CDH4: variants seen among roughly 807,000 people sequenced by gnomAD.
CDH4 encodes the protein cadherin-4.
CDH4 carries 33 observed loss-of-function variants against 86.0 expected under a neutral mutation model. The observed-to-expected ratio is 0.38, with a 90% CI of 0.29 to 0.51. The LOEUF is 0.51. Among genes scored for constraint, CDH4 ranks in the 20% least tolerant of loss-of-function variants. The pLI is 0.86. For missense variants in CDH4, 1,114 were observed against 1,307.4 expected (o/e 0.85, Z 2.28); for synonymous variants, 555 against 549.4 (o/e 1.01, Z -0.14).
At chr20:61,660,545 G>A (rs2087241620) in intron 2 of CDH4, among the ~76,000 whole-genome samples, 2 of 152,156 alleles carry the variant, frequency 1.3e-5, no homozygotes, top group South Asian at 2.1e-4. Context: ...GTTACATGTG[G>A]GTGCGCCTGA....
intron 2 of CDH4, among the ~76,000 whole-genome samples, chr20:61,508,038 T>TGCAGAGTGAGACCA (rs2085753922): frequency 6.6e-6 from 1 of 152,244 alleles, no homozygotes; most frequent in African/African-American, 2.4e-5. Context: ...CGCACTGTCG[T>TGCAGAGTGAGACCA]GCAGAGTGAG....
intron 2 of CDH4, among the ~76,000 whole-genome samples, chr20:61,481,277 C>T (rs116952611): frequency 0.036 from 5,438 of 152,274 alleles, 135 homozygotes; most frequent in South Asian, 0.071. Flanking sequence ...CGCTGGTGAA[C>T]GTCCTGCAAC....
chr20:61,725,098 T>G (rs563034995), intron 2 of CDH4, among the ~76,000 whole-genome samples: 4 of 152,230 alleles, frequency 2.6e-5, no homozygotes, highest in Non-Finnish European at 4.4e-5. Context: ...GGCGACAGAG[T>G]GAGACCCTGT....
intron 2 of CDH4, among the ~76,000 whole-genome samples, chr20:61,507,238 T>C (rs773898235): frequency 6.6e-6 from 1 of 152,204 alleles, no homozygotes; most frequent in Non-Finnish European, 1.5e-5. Context: ...TAGAATAGCT[T>C]TTGGTACCAC....
At chr20:61,624,634 AAG>A (rs1329139860) in intron 2 of CDH4, among the ~76,000 whole-genome samples, 1 of 152,246 alleles carries the variant, frequency 6.6e-6, no homozygotes, top group African/African-American at 2.4e-5. Flanking sequence ...GACAGGGACA[AAG>A]AGAGGAAAAG....
At chr20:61,799,900 G>T (rs1979740730) in intron 4 of CDH4, among the ~76,000 whole-genome samples, 1 of 152,280 alleles carries the variant, frequency 6.6e-6, no homozygotes, top group South Asian at 2.1e-4. Context: ...TGGGGCCTCT[G>T]CAGTGGCTCT....
chr20:61,769,626 A>G (rs937011892), intron 3 of CDH4, among the ~76,000 whole-genome samples: 1 of 152,172 alleles, frequency 6.6e-6, no homozygotes, highest in African/African-American at 2.4e-5. Flanking sequence ...AACGGGCTGC[A>G]TGGGCTTCAT....
chr20:61,932,237 C>T (rs974779348), intron 13 of CDH4, among the ~76,000 whole-genome samples: 3 of 152,208 alleles, frequency 2.0e-5, no homozygotes, highest in African/African-American at 4.8e-5. Context: ...CATGTCCTCC[C>T]GTCCCCAGGC....
chr20:61,334,929 C>T (rs2084609084), intron 2 of CDH4, among the ~76,000 whole-genome samples: 1 of 152,248 alleles, frequency 6.6e-6, no homozygotes, highest in African/African-American at 2.4e-5. Flanking sequence ...TTGAGACCTT[C>T]CTTTTCCCAG....
intron 2 of CDH4, among the ~76,000 whole-genome samples, chr20:61,575,667 A>G (rs2086377845): frequency 6.6e-6 from 1 of 152,216 alleles, no homozygotes; most frequent in African/African-American, 2.4e-5. Flanking sequence ...ACACCCATTC[A>G]TTTACATATT....
chr20:61,443,934 T>TTGTGGATATCTGTGTGTGTGTCTG (rs1321809173), intron 2 of CDH4, among the ~76,000 whole-genome samples: 1 of 119,512 alleles, frequency 8.4e-6, no homozygotes, highest in East Asian at 2.3e-4. Context: ...GTGTGTGTCT[T>TTGTGGATATCTGTGTGTGTGTCTG]TGTGGATATC....
At chr20:61,340,732 A>G (rs900365698) in intron 2 of CDH4, among the ~76,000 whole-genome samples, 5 of 151,888 alleles carry the variant, frequency 3.3e-5, no homozygotes, top group Non-Finnish European at 7.4e-5. Flanking sequence ...CCACAGGCAC[A>G]CACCTCCACG....
intron 6 of CDH4, among the ~76,000 whole-genome samples, chr20:61,865,493 C>T (rs1259717800): frequency 6.6e-6 from 1 of 151,268 alleles, no homozygotes; most frequent in Non-Finnish European, 1.5e-5. Context: ...ACCTGGCATC[C>T]TGGGTGGTTA....
chr20:61,252,601 G>A lies in CDH4; in HGVS notation c.57+31G>A, dbSNP rs1251214237. On this transcript the variant is annotated intron_variant, in intron 1 of 15. Transcript: ENST00000614565. This position sits in a 1 kb window ranked among gnomAD's most constrained non-coding sequence, Gnocchi z 4.4. Reference sequence around the variant, plus strand: ...TTGCCGCCTCCCGCCCCCGCCGTTCGGAAGCCCCGGGCAGCGGGAGGTCGT... The same window carrying A: ...TTGCCGCCTCCCGCCCCCGCCGTTCAGAAGCCCCGGGCAGCGGGAGGTCGT... 3.4e-6 allele frequency: 4 copies of A among 1,191,818 alleles called. No homozygotes were observed. Among genetic ancestry groups the A allele is most frequent in the East Asian group, 3.4e-5 (1 of 29,216 alleles). 73.8% of individuals were successfully genotyped at this position (1,191,818 alleles called of 1,614,324 possible).
At chr20:61,558,714 C>G (rs1305661151) in intron 2 of CDH4, among the ~76,000 whole-genome samples, 2 of 152,236 alleles carry the variant, frequency 1.3e-5, no homozygotes, top group African/African-American at 4.8e-5. Flanking sequence ...TCCCGTGCGT[C>G]CCGTCTTTGC....
chr20:61,808,789 C>T (rs1321152482), intron 4 of CDH4, among the ~76,000 whole-genome samples: 1 of 152,088 alleles, frequency 6.6e-6, no homozygotes, highest in Non-Finnish European at 1.5e-5. Context: ...CGCCCGCCTG[C>T]CCCCTCCACC....
chr20:61,904,393 C>T lies in CDH4; in HGVS notation c.1189-6029C>T, dbSNP rs1223308139. On this transcript the variant is annotated intron_variant, in intron 8 of 15. Coordinates refer to ENST00000614565, the MANE Select transcript of CDH4 (RefSeq NM_001794.5). The stretch of plus-strand genomic sequence containing the variant: ...CCCTGTGCTCTCCCTGGGGACTCTC[C>T]GGCAGCTTCTCCCTCTTCCGTCTCT... Among the ~76,000 whole-genome samples, 6 of 152,074 alleles carry T rather than the reference C, an allele frequency of 3.9e-5. No individual in the cohort carries two copies. The East Asian group carries it at 5.8e-4, about 15-fold the overall frequency.
At chr20:61,886,829 G>A (rs1161519105) in intron 7 of CDH4, among the ~76,000 whole-genome samples, 1 of 152,186 alleles carries the variant, frequency 6.6e-6, no homozygotes, top group East Asian at 1.9e-4. Context: ...TGCACACAGC[G>A]AGGCCTGTTG....
intron 2 of CDH4, among the ~76,000 whole-genome samples, chr20:61,284,932 C>T (rs991466557): frequency 1.3e-5 from 2 of 152,332 alleles, no homozygotes; most frequent in South Asian, 4.1e-4. Flanking sequence ...GCCAATAAAA[C>T]TTTATTTACA....
Sources: allele counts gnomAD v4.1 joint callset (sites outside exome capture counted in the v4.1 genomes callset), GRCh38; gene constraint gnomAD v4.1.1; non-coding constraint Gnocchi (gnomAD v3.1); transcripts MANE v1.5; gene names NCBI Gene and HGNC (gene_info 2026-07-23, HGNC 2026-07-21).